PTPRR: variants seen among roughly 807,000 people sequenced by gnomAD.
PTPRR encodes the protein receptor-type tyrosine-protein phosphatase R.
A neutral mutation model predicts 77.2 loss-of-function variants in PTPRR; 38 were observed. That is an observed-to-expected ratio of 0.49 (90% CI 0.38 to 0.65). The LOEUF is 0.65. Ranked by LOEUF, PTPRR falls within the 30% of genes least tolerant of loss-of-function variation. The pLI is 0.00. For missense variants in PTPRR, 744 were observed against 799.2 expected (o/e 0.93, Z 0.83); for synonymous variants, 299 against 283.1 (o/e 1.06, Z -0.57).
At chr12:70,857,098 C>A (rs1454106372) in intron 2 of PTPRR, among the ~76,000 whole-genome samples, 2 of 152,004 alleles carry the variant, frequency 1.3e-5, no homozygotes, top group Non-Finnish European at 2.9e-5. Context: ...AGAGAGGAGT[C>A]TATTTGGAGA....
chr12:70,707,314 C>A (rs1888653440), intron 6 of PTPRR, among the ~76,000 whole-genome samples: 1 of 151,872 alleles, frequency 6.6e-6, no homozygotes, highest in African/African-American at 2.4e-5. Context: ...TCCTTCAAGT[C>A]CTTATATGTA....
At chr12:70,808,207 G>A (rs959047552) in intron 2 of PTPRR, among the ~76,000 whole-genome samples, 1 of 152,088 alleles carries the variant, frequency 6.6e-6, no homozygotes, top group Admixed American at 6.6e-5. Context: ...TTCCAGCCTG[G>A]CAAATTCTAG....
At chr12:70,732,708 A>G (rs1889704947) in intron 6 of PTPRR, among the ~76,000 whole-genome samples, 1 of 150,952 alleles carries the variant, frequency 6.6e-6, no homozygotes, top group South Asian at 2.2e-4. Flanking sequence ...TTACAGGCGC[A>G]CGTCACCACG....
intron 10 of PTPRR, among the ~76,000 whole-genome samples, chr12:70,666,214 T>C (rs1566054172): frequency 6.6e-6 from 1 of 152,180 alleles, no homozygotes; most frequent in African/African-American, 2.4e-5. Flanking sequence ...GCTAGAATTT[T>C]CCAAGAAAAT....
intron 2 of PTPRR, among the ~76,000 whole-genome samples, chr12:70,773,069 G>C (rs1197078698): frequency 4.6e-5 from 7 of 152,018 alleles, no homozygotes; most frequent in Non-Finnish European, 5.9e-5. Flanking sequence ...TCTAATCTTT[G>C]CATCTGTCAT....
chr12:70,665,804 T>C (rs753842102), intron 10 of PTPRR, among the ~76,000 whole-genome samples: 3 of 152,124 alleles, frequency 2.0e-5, no homozygotes, highest in Non-Finnish European at 4.4e-5. Flanking sequence ...AAAAAACCTA[T>C]TTTTAAGTTA....
Position 70,661,025 on chromosome 12 carries a change from C to T in PTPRR, c.1681G>A (p.Ala561Thr). ...AGCATGAGCTGTAGGAGGGGCTGGGCACTGTCTGGAGTCTTGTGATCAGGC... is the reference window on the plus strand; with the variant it reads ...AGCATGAGCTGTAGGAGGGGCTGGGTACTGTCTGGAGTCTTGTGATCAGGC... ...SWPDHKTPDSAQPLLQLMLDV... is the reference protein window; with the variant it reads ...SWPDHKTPDSTQPLLQLMLDV... Residue 561 changes from alanine to threonine, a missense_variant, in exon 12 of 14, where the codon GCC (alanine) becomes ACC (threonine). Around this residue, in one of 3 missense-constraint regions of PTPRR, gnomAD observed 170 missense variants for 209.8 expected, o/e 0.81. Coordinates refer to ENST00000283228, the MANE Select transcript of PTPRR (RefSeq NM_002849.4). 1 of 1,613,594 alleles carries T rather than the reference C, an allele frequency of 6.2e-7. No homozygotes were observed. Among genetic ancestry groups the T allele is most frequent in the African/African-American group, 1.3e-5 (1 of 75,044 alleles).
chr12:70,683,107 G>A (rs1248884839), intron 10 of PTPRR, among the ~76,000 whole-genome samples: 1 of 152,118 alleles, frequency 6.6e-6, no homozygotes, highest in African/African-American at 2.4e-5. Context: ...TGTTTTGTGA[G>A]CCTAGATGAT....
intron 4 of PTPRR, 49 bp downstream of exon 4, chr12:70,761,422 A>C (rs369309626): frequency 4.8e-5 from 71 of 1,474,390 alleles, no homozygotes; most frequent in Non-Finnish European, 6.0e-5. Context: ...TTACCATAGC[A>C]TGCTAACTGT....
intron 10 of PTPRR, among the ~76,000 whole-genome samples, chr12:70,681,269 C>T (rs774021575): frequency 1.7e-4 from 26 of 152,122 alleles, no homozygotes; most frequent in Non-Finnish European, 2.9e-4. Context: ...AGTTGTGGCT[C>T]TGGTTTCAAA....
chr12:70,707,069 A>G (rs1276787575), intron 6 of PTPRR, among the ~76,000 whole-genome samples: 2 of 152,152 alleles, frequency 1.3e-5, no homozygotes, highest in African/African-American at 4.8e-5. Context: ...AGTTGAGAAA[A>G]TTGGTTAGTG....
intron 2 of PTPRR, among the ~76,000 whole-genome samples, chr12:70,804,139 C>CTGTCTGTGTGTG (rs750599108): frequency 2.2e-5 from 3 of 137,252 alleles, no homozygotes; most frequent in African/African-American, 8.0e-5. Flanking sequence ...GTTCCTGGCT[C>CTGTCTGTGTGTG]TGTGTGTGTG....
At chr12:70,661,158 C>T in intron 11 of PTPRR, 61 bp from the exon 12 acceptor site, 3 of 1,555,314 alleles carry the variant, frequency 1.9e-6, no homozygotes, top group East Asian at 2.4e-5. Context: ...GTCATCCAAA[C>T]CACAATACTG....
intron 1 of PTPRR, among the ~76,000 whole-genome samples, chr12:70,919,915 G>A (rs1893830233): frequency 6.6e-6 from 1 of 151,860 alleles, no homozygotes; most frequent in African/African-American, 2.4e-5. Flanking sequence ...TCCTATGAGC[G>A]CTCGCTAGAC....
chr12:70,705,055 A>G (rs1888568267), intron 6 of PTPRR, among the ~76,000 whole-genome samples: 1 of 152,216 alleles, frequency 6.6e-6, no homozygotes, highest in African/African-American at 2.4e-5. Context: ...AATTGAAGGA[A>G]AAAGCAAATT....
chr12:70,728,299 T>G (rs578256730), intron 6 of PTPRR, among the ~76,000 whole-genome samples: 12 of 133,758 alleles, frequency 9.0e-5, no homozygotes, highest in Non-Finnish European at 1.7e-4. Flanking sequence ...TTCTCTGATC[T>G]CTCTCTCTCT....
chr12:70,655,282 GTGT>G (rs1886535699), intron 13 of PTPRR, among the ~76,000 whole-genome samples: 1 of 152,200 alleles, frequency 6.6e-6, no homozygotes. Context: ...GAACCCTCCT[GTGT>G]TGTTGGTGGG....
intron 1 of PTPRR, among the ~76,000 whole-genome samples, chr12:70,913,508 A>G (rs774286422): frequency 7.2e-5 from 11 of 152,038 alleles, no homozygotes; most frequent in Admixed American, 1.3e-4. Context: ...CTATCATGCT[A>G]TGTTGTTTAT....
intron 6 of PTPRR, among the ~76,000 whole-genome samples, chr12:70,711,363 G>A (rs914452081): frequency 6.6e-6 from 1 of 152,074 alleles, no homozygotes; most frequent in Non-Finnish European, 1.5e-5. Flanking sequence ...ATATGTAGAG[G>A]GGAAAAACAC....
Sources: allele counts gnomAD v4.1 joint callset (sites outside exome capture counted in the v4.1 genomes callset), GRCh38; gene constraint gnomAD v4.1.1; regional missense constraint gnomAD v4.1.1; transcripts MANE v1.5; gene names NCBI Gene and HGNC (gene_info 2026-07-23, HGNC 2026-07-21).